Variants in IL1RAPL2 observed in about 807,000 individuals in gnomAD.
IL1RAPL2 encodes X-linked interleukin-1 receptor accessory protein-like 2.
IL1RAPL2 carries 3 observed loss-of-function variants against 44.1 expected under a neutral mutation model. The ratio of observed to expected loss-of-function variants is 0.07; its 90% CI spans 0.03 to 0.18. The LOEUF (loss-of-function observed/expected upper bound fraction) is 0.18, where lower values mean the gene tolerates loss of function less well. IL1RAPL2 is among the 10% of genes least tolerant of loss of function. The pLI is 1.00. For missense variants in IL1RAPL2, 391 were observed against 496.4 expected (o/e 0.79, Z 2.02); for synonymous variants, 181 against 178.8 (o/e 1.01, Z -0.10).
At chrX:105,688,500 G>A (rs2038004332) in intron 6 of IL1RAPL2, among the ~76,000 whole-genome samples, 1 of 111,364 alleles carries the variant, frequency 9.0e-6, no homozygotes, top group African/African-American at 3.3e-5. Context: ...AAATACCAAG[G>A]AATCCAACTT....
intron 6 of IL1RAPL2, among the ~76,000 whole-genome samples, chrX:105,676,439 G>A (rs1043261837): frequency 9.0e-6 from 1 of 111,707 alleles, no homozygotes; most frequent in Admixed American, 9.6e-5. Flanking sequence ...GGACTGAGCT[G>A]ATTATGAAGA....
At chrX:104,641,738 G>T (rs1929937814) in intron 1 of IL1RAPL2, among the ~76,000 whole-genome samples, 1 of 111,358 alleles carries the variant, frequency 9.0e-6, no homozygotes, top group South Asian at 3.8e-4. Context: ...GCCCACACCT[G>T]CATGCCTTAT....
chrX:105,702,110 T>C (rs2038124188), intron 6 of IL1RAPL2, among the ~76,000 whole-genome samples: 1 of 111,865 alleles, frequency 8.9e-6, no homozygotes, highest in South Asian at 3.7e-4. Flanking sequence ...GATTCTGGGA[T>C]GGCAAAGGCA....
At chrX:105,072,244 T>C (rs1465142231) in intron 2 of IL1RAPL2, among the ~76,000 whole-genome samples, 1 of 111,782 alleles carries the variant, frequency 8.9e-6, no homozygotes, top group Non-Finnish European at 1.9e-5. Flanking sequence ...TCTGCCATGA[T>C]TGTAAGTTTC....
intron 2 of IL1RAPL2, among the ~76,000 whole-genome samples, chrX:104,905,153 T>C (rs1211655747): frequency 8.9e-6 from 1 of 112,013 alleles, no homozygotes; most frequent in Non-Finnish European, 1.9e-5. Context: ...TGGGGTTGTT[T>C]GTTTTTTTCT....
intron 2 of IL1RAPL2, among the ~76,000 whole-genome samples, chrX:104,752,280 A>AGT (rs754089849): frequency 0.065 from 6,845 of 106,027 alleles, 517 homozygotes; most frequent in African/African-American, 0.21. Context: ...TTGGCGTGAG[A>AGT]GTGTGTGTGT....
At chrX:105,500,195 T>C (rs886560451) in intron 6 of IL1RAPL2, among the ~76,000 whole-genome samples, 4 of 111,061 alleles carry the variant, frequency 3.6e-5, no homozygotes, top group Non-Finnish European at 5.7e-5. Flanking sequence ...AATTGGAAGT[T>C]GCTGTTCAAT....
At chrX:105,022,550 T>G (rs1209524009) in intron 2 of IL1RAPL2, among the ~76,000 whole-genome samples, 2 of 111,161 alleles carry the variant, frequency 1.8e-5, no homozygotes, top group Admixed American at 9.6e-5. Flanking sequence ...AGTCTTTTCT[T>G]GGATATCCCA....
At chrX:105,375,464 T>C (rs1234565773) in intron 5 of IL1RAPL2, among the ~76,000 whole-genome samples, 1 of 111,783 alleles carries the variant, frequency 8.9e-6, no homozygotes. Flanking sequence ...TGAGCCGAGA[T>C]TGCGCCACTG....
chrX:105,580,299 G>C (rs1402862189), intron 6 of IL1RAPL2, among the ~76,000 whole-genome samples: 1 of 108,726 alleles, frequency 9.2e-6, no homozygotes, highest in Admixed American at 9.9e-5. Context: ...CCTAGGCCGT[G>C]TTTATGCCTT....
chrX:104,829,597 T>C (rs1314809668), intron 2 of IL1RAPL2, among the ~76,000 whole-genome samples: 2 of 112,682 alleles, frequency 1.8e-5, no homozygotes, highest in African/African-American at 6.5e-5. Context: ...AATCTGTTTT[T>C]ATCCAAGAAA....
intron 5 of IL1RAPL2, among the ~76,000 whole-genome samples, chrX:105,370,641 G>T (rs73525362): frequency 0.13 from 14,672 of 111,663 alleles, 2,320 homozygotes; most frequent in African/African-American, 0.45. Flanking sequence ...TAGGTACTTA[G>T]GTTGATTCCA....
intron 2 of IL1RAPL2, among the ~76,000 whole-genome samples, chrX:105,043,384 T>G (rs183149279): frequency 1.5e-4 from 17 of 109,684 alleles, no homozygotes; most frequent in Admixed American, 9.8e-5. Flanking sequence ...CTTGGCATAC[T>G]ATTGTTCTTC....
At chrX:105,030,957 A>G (rs1002300868) in intron 2 of IL1RAPL2, among the ~76,000 whole-genome samples, 3 of 111,036 alleles carry the variant, frequency 2.7e-5, no homozygotes, top group Non-Finnish European at 5.7e-5. Flanking sequence ...GAGGTCCTTC[A>G]CATCCCTTGT....
At chrX:104,890,543 G>A (rs1260638265) in intron 2 of IL1RAPL2, among the ~76,000 whole-genome samples, 4 of 112,254 alleles carry the variant, frequency 3.6e-5, no homozygotes, top group South Asian at 7.4e-4. Context: ...TTTCTCTGAT[G>A]GCCAGTGATG....
At chrX:105,707,774 T>C (rs1404102007) in intron 6 of IL1RAPL2, among the ~76,000 whole-genome samples, 1 of 111,992 alleles carries the variant, frequency 8.9e-6, no homozygotes, top group East Asian at 2.8e-4. Context: ...CTTATTTTGT[T>C]GTAATAATTA....
chrX:105,116,675 A>C, intron 2 of IL1RAPL2, among the ~76,000 whole-genome samples: 1 of 112,414 alleles, frequency 8.9e-6, no homozygotes. Context: ...GAAGTTTGAA[A>C]CGTCCTTTTG....
rs1388512099 is a variant in IL1RAPL2, at chrX:105,670,125, ATATATATATATATATATATAT to A, written c.773-47241_773-47221del. On this transcript the variant is annotated intron_variant, in intron 6 of 10. Coordinates refer to ENST00000372582, the MANE Select transcript of IL1RAPL2 (RefSeq NM_017416.2). ...TTCCTGTATATATATATATATATAT[ATATATATATATATATATATAT>A]ATCTCCACCAGACCACACAGTCTTG... 1.8e-3 allele frequency among the ~76,000 whole-genome samples: 87 copies of A among 47,167 alleles called. 12 individuals are homozygous for A. The highest frequency in any genetic ancestry group is 9.3e-4 in the Non-Finnish European group (21 of 22,641). 41.0% of individuals were successfully genotyped at this position (47,167 alleles called of 115,157 possible). A position where few individuals can be genotyped will look rare whatever the true frequency, so the allele number is the denominator to read the frequency against.
chrX:104,677,704 C>A (rs960137725), intron 2 of IL1RAPL2, among the ~76,000 whole-genome samples: 99 of 112,152 alleles, frequency 8.8e-4, no homozygotes, highest in Non-Finnish European at 1.5e-3. Context: ...GCCTCGCTGC[C>A]GCCTTGCAGT....
Sources: gnomAD v4.1 joint callset for allele counts (sites outside exome capture counted in the v4.1 genomes callset) on GRCh38, gnomAD v4.1.1 for gene constraint, MANE v1.5 for transcripts, NCBI Gene and HGNC (gene_info 2026-07-23, HGNC 2026-07-21) for gene names.